GRIP1: variants seen among roughly 807,000 people sequenced by gnomAD.
GRIP1 encodes the protein glutamate receptor interacting protein 1, also known as glutamate receptor-interacting protein 1.
Under a neutral mutation model 129.9 loss-of-function variants are expected in GRIP1, and 45 were observed. The ratio of observed to expected loss-of-function variants is 0.35; its 90% CI spans 0.27 to 0.44. The LOEUF is 0.44. Among genes scored for constraint, GRIP1 ranks in the 20% least tolerant of loss-of-function variants. The pLI is 1.00. For synonymous variants in GRIP1, 530 were observed against 520.8 expected, an observed-to-expected ratio of 1.02 and a Z score of -0.24; for missense variants, 1,196 against 1,396.8, an observed-to-expected ratio of 0.86 and a Z score of 2.29.
At chr12:66,856,267 C>A (rs971043983) in intron 1 of GRIP1, among the ~76,000 whole-genome samples, 12 of 152,198 alleles carry the variant, frequency 7.9e-5, no homozygotes, top group African/African-American at 2.4e-4. Flanking sequence ...ACCATAAAAA[C>A]CCTAAAAGAA....
chr12:66,646,503 A>G (rs528807412), intron 1 of GRIP1, among the ~76,000 whole-genome samples: 62 of 152,324 alleles, frequency 4.1e-4, no homozygotes, highest in African/African-American at 1.4e-3. Context: ...GCGCACCTGC[A>G]GTCCCAGTGA....
At chr12:66,739,342 A>T (rs1450025466) in intron 1 of GRIP1, among the ~76,000 whole-genome samples, 1 of 152,120 alleles carries the variant, frequency 6.6e-6, no homozygotes, top group African/African-American at 2.4e-5. Context: ...CAAAGAATGT[A>T]TGGTGGAGCC....
At chr12:66,578,450 G>A (rs953007224) in intron 2 of GRIP1, among the ~76,000 whole-genome samples, 10 of 152,130 alleles carry the variant, frequency 6.6e-5, no homozygotes, top group African/African-American at 1.9e-4. Context: ...AAAGCAGGGC[G>A]AGGCATTGCC....
chr12:66,622,946 T>C (rs1292206740), intron 1 of GRIP1, among the ~76,000 whole-genome samples: 2 of 152,204 alleles, frequency 1.3e-5, no homozygotes, highest in Non-Finnish European at 2.9e-5. Context: ...AGATTTACTA[T>C]ACAGAATTAC....
At chr12:66,905,018 C>T (rs1421215941) in intron 1 of GRIP1, among the ~76,000 whole-genome samples, 1 of 152,188 alleles carries the variant, frequency 6.6e-6, no homozygotes, top group Non-Finnish European at 1.5e-5. Context: ...ATTTCACCAT[C>T]CCAAGTCCTT....
chr12:66,409,257 T>C (rs2057303044), intron 15 of GRIP1, among the ~76,000 whole-genome samples: 2 of 152,170 alleles, frequency 1.3e-5, no homozygotes, highest in Admixed American at 1.3e-4. Context: ...TGAACCAGCA[T>C]AGTCTCAGTG....
At chr12:66,979,189 T>C (rs1424622519) in intron 1 of GRIP1, among the ~76,000 whole-genome samples, 1 of 117,438 alleles carries the variant, frequency 8.5e-6, no homozygotes, top group Non-Finnish European at 1.6e-5. Context: ...TGAGGATTTA[T>C]ATAATATCCC....
Position 66,511,587 on chromosome 12 carries a change from G to A in GRIP1, c.724+4032C>T, listed in dbSNP as rs111646297. The stretch of plus-strand genomic sequence containing the variant: ...CAGTTGTAGAGTGCACTATATCCCT[G>A]GACACAGTGCTCAGTATAGTGATCA... On this transcript the variant is annotated intron_variant, in intron 7 of 24. Transcript: ENST00000359742. Among the ~76,000 whole-genome samples, 45 of 152,150 alleles carry A rather than the reference G, an allele frequency of 3.0e-4. 1 individual carries two copies. Among genetic ancestry groups the A allele is most frequent in the South Asian group, 1.0e-3 (5 of 4,822 alleles).
intron 1 of GRIP1, among the ~76,000 whole-genome samples, chr12:66,936,184 C>T (rs931035303): frequency 1.3e-5 from 2 of 152,076 alleles, no homozygotes; most frequent in Non-Finnish European, 2.9e-5. Flanking sequence ...CTTTGGGAGG[C>T]CAAGGCAAGA....
chr12:67,021,838 T>C (rs1179399853), intron 1 of GRIP1, among the ~76,000 whole-genome samples: 1 of 152,190 alleles, frequency 6.6e-6, no homozygotes, highest in Non-Finnish European at 1.5e-5. Flanking sequence ...TAGTAACCAC[T>C]ATTCTAGTAT....
chr12:66,365,456 T>G (rs1168339), intron 23 of GRIP1, among the ~76,000 whole-genome samples: 74,184 of 152,010 alleles, frequency 0.49, 18,517 homozygotes, highest in East Asian at 0.58. Flanking sequence ...TCCCAAAAAA[T>G]ATTATGTTTT....
chr12:66,550,787 A>T (rs1017164208), intron 2 of GRIP1, among the ~76,000 whole-genome samples: 5 of 152,218 alleles, frequency 3.3e-5, no homozygotes, highest in African/African-American at 1.2e-4. Context: ...TAAAACCATG[A>T]TGCAAGATAT....
At chr12:67,024,820 C>T (rs1409332710) in intron 1 of GRIP1, among the ~76,000 whole-genome samples, 2 of 152,038 alleles carry the variant, frequency 1.3e-5, no homozygotes, top group Admixed American at 6.6e-5. Context: ...AAGATCTTTA[C>T]GATAATATGT....
At chr12:66,856,613 C>T (rs1447278311) in intron 1 of GRIP1, among the ~76,000 whole-genome samples, 2 of 151,664 alleles carry the variant, frequency 1.3e-5, no homozygotes, top group African/African-American at 2.4e-5. Context: ...CCAACAGACC[C>T]ATGAAAAAAT....
intron 1 of GRIP1, among the ~76,000 whole-genome samples, chr12:66,945,568 G>A (rs956543421): frequency 1.3e-5 from 2 of 151,986 alleles, no homozygotes; most frequent in Admixed American, 6.6e-5. Flanking sequence ...AAGAGAGTGG[G>A]AGGGGGTGGG....
At chr12:66,970,540 C>CTTTTT (rs3051201) in intron 1 of GRIP1, among the ~76,000 whole-genome samples, 1 of 129,770 alleles carries the variant, frequency 7.7e-6, no homozygotes, top group Non-Finnish European at 1.6e-5. Flanking sequence ...CCTCTAGTGT[C>CTTTTT]TTTTTTTTTT....
In GRIP1 at chr12:66,785,313, T is replaced by TACAC. The variant is rs1258638071; in HGVS notation, c.-420+18739_-420+18740insGTGT. Among the ~76,000 whole-genome samples, 113 of 49,086 alleles carry TACAC rather than the reference T, an allele frequency of 2.3e-3. 2 individuals carry two copies. In the South Asian group the frequency reaches 0.026, roughly 11 times the overall value. 32.2% of individuals were successfully genotyped at this position (49,086 alleles called of 152,430 possible). Reference sequence around the variant, plus strand: ...GACTCTTCCAAGAATTTAACATACATACATACATACATACATACATACATA... The same window carrying TACAC: ...GACTCTTCCAAGAATTTAACATACATACACACATACATACATACATACATACATA... On this transcript the variant is annotated intron_variant, in intron 1 of 4. Transcript: ENST00000538373.
chr12:66,608,055 G>A (rs1238240328), intron 1 of GRIP1, among the ~76,000 whole-genome samples: 3 of 152,122 alleles, frequency 2.0e-5, no homozygotes, highest in Admixed American at 6.5e-5. Flanking sequence ...ACATTTGGAT[G>A]CCTTGGGAAT....
intron 1 of GRIP1, among the ~76,000 whole-genome samples, chr12:67,064,849 CCACT>C (rs1443347887): frequency 6.6e-6 from 1 of 151,166 alleles, no homozygotes; most frequent in East Asian, 1.9e-4. Context: ...TGCGCTGCAC[CCACT>C]AACTCGTCAT....
Sources: gnomAD v4.1 joint callset for allele counts (sites outside exome capture counted in the v4.1 genomes callset) on GRCh38, gnomAD v4.1.1 for gene constraint, MANE v1.5 for transcripts, NCBI Gene and HGNC (gene_info 2026-07-23, HGNC 2026-07-21) for gene names.